THRAP3: variants seen among roughly 807,000 people sequenced by gnomAD.
THRAP3 encodes the protein thyroid hormone receptor-associated protein 3.
A neutral mutation model predicts 101.0 loss-of-function variants in THRAP3; 16 were observed. The ratio of observed to expected loss-of-function variants is 0.16; its 90% confidence interval spans 0.11 to 0.24. The LOEUF (loss-of-function observed/expected upper bound fraction) is 0.24, where lower values mean the gene tolerates loss of function less well. Among genes scored for constraint, THRAP3 ranks in the 10% least tolerant of loss-of-function variants. The probability of loss-of-function intolerance (pLI) is 1.00; values close to 1 mark genes in which losing one functional copy is unlikely to be tolerated. For synonymous variants in THRAP3, 407 were observed against 422.6 expected (o/e 0.96, Z 0.45); for missense variants, 989 against 1,202.7 (o/e 0.82, Z 2.63).
In THRAP3 at chr1:36,288,628, T is replaced by C; in HGVS notation, c.1041-432T>C. 6 of 985,444 alleles carry C rather than the reference T, an allele frequency of 6.1e-6. No individual in the cohort carries two copies. In the South Asian group the frequency reaches 2.8e-4, roughly 46 times the overall value. The allele number at this position is 985,444 out of a possible 1,614,324, so 61.0% of individuals were successfully genotyped here. ...TTAGACTTGTATTTCCAAATGTGAGTTGTATAAAAGCAAAACAGTCCAAGG... is the reference window on the plus strand; with the variant it reads ...TTAGACTTGTATTTCCAAATGTGAGCTGTATAAAAGCAAAACAGTCCAAGG... On this transcript the variant is annotated intron_variant, in intron 4 of 11. Transcript: ENST00000354618.
chr1:36,230,931 C>G (rs912775083), intron 1 of THRAP3, among the ~76,000 whole-genome samples: 7 of 152,140 alleles, frequency 4.6e-5, no homozygotes, highest in Non-Finnish European at 8.8e-5. Flanking sequence ...TTTGCAGCAA[C>G]CATCTTTTAT....
At chr1:36,285,657 A>G (rs1645786086) in intron 3 of THRAP3, among the ~76,000 whole-genome samples, 1 of 152,214 alleles carries the variant, frequency 6.6e-6, no homozygotes, top group African/African-American at 2.4e-5. Context: ...TGTGGCACCT[A>G]GTTAAGATCA....
At chr1:36,226,236 G>A (rs1407608551) in intron 1 of THRAP3, among the ~76,000 whole-genome samples, 5 of 152,164 alleles carry the variant, frequency 3.3e-5, no homozygotes, top group African/African-American at 1.2e-4. Flanking sequence ...TGATGACTGG[G>A]AGGGTACACA....
In THRAP3 at chr1:36,296,747, T is replaced by G. The variant is rs1371827972; in HGVS notation, c.2280T>G (p.Thr760=). 1 of 1,594,130 alleles carries G rather than the reference T, an allele frequency of 6.3e-7. No homozygotes were observed. The highest frequency in any genetic ancestry group is 2.2e-5 in the East Asian group (1 of 44,646). ...RERSAEKTEK[T]HKGSKKQKKH... ...GGTCAGCTGAAAAAACAGAGAAAAC[T>G]CATAAAGGATCAAAGAAACAGAAGT... Residue 760 remains threonine (T), a synonymous_variant, in exon 9 of 12, where the codon ACT becomes ACG. Coordinates refer to ENST00000354618, the MANE Select transcript of THRAP3 (RefSeq NM_005119.4).
At chr1:36,207,803 A>AT in the THRAP3 span, among the ~76,000 whole-genome samples, 3 of 151,798 alleles carry the variant, frequency 2.0e-5, no homozygotes, top group Admixed American at 6.6e-5. Flanking sequence ...TTTTATTTTT[A>AT]TTTTTTTGAG....
At chr1:36,267,173 C>T (rs114076633) in intron 2 of THRAP3, among the ~76,000 whole-genome samples, 3,266 of 152,176 alleles carry the variant, frequency 0.021, 51 homozygotes, top group Non-Finnish European at 0.033. Context: ...CGTGAGCCAC[C>T]GCGCCCTGCC....
At chr1:36,212,879 A>C in the THRAP3 span, among the ~76,000 whole-genome samples, 12 of 152,274 alleles carry the variant, frequency 7.9e-5, 2 homozygotes, top group African/African-American at 2.9e-4. Context: ...TGACAAACGC[A>C]GTTGGTGTTG....
At chr1:36,234,437 A>C (rs1233358140) in intron 1 of THRAP3, among the ~76,000 whole-genome samples, 1 of 152,148 alleles carries the variant, frequency 6.6e-6, no homozygotes, top group Non-Finnish European at 1.5e-5. Context: ...TAGAAAGTAA[A>C]AGTTTCTCAT....
At chr1:36,214,030 GAA>G in the THRAP3 span, among the ~76,000 whole-genome samples, 3 of 141,044 alleles carry the variant, frequency 2.1e-5, no homozygotes, top group Non-Finnish European at 4.6e-5. Context: ...AAGAAAGAAA[GAA>G]AGAAAGAAAG....
Position 36,304,287 on chromosome 1 carries a change from G to T in THRAP3, c.*270G>T. 3.0e-6 allele frequency: 1 copy of T among 332,666 alleles called. No homozygotes were observed. Among genetic ancestry groups the T allele is most frequent in the Non-Finnish European group, 5.4e-6 (1 of 183,806 alleles). The allele number at this position is 332,666 out of a possible 1,614,324, so 20.6% of individuals were successfully genotyped here. A position where few individuals can be genotyped will look rare whatever the true frequency, so the allele number is the denominator to read the frequency against. ...CTGTTTTTCTCATTTGTTGGTGTGT[G>T]GGGTGGGGGCAGGGGTAGGGCGGGA... On this transcript the variant is annotated 3_prime_UTR_variant, in exon 12 of 12. Coordinates refer to ENST00000354618, the MANE Select transcript of THRAP3 (RefSeq NM_005119.4).
At chr1:36,207,857 A>T in the THRAP3 span, among the ~76,000 whole-genome samples, 1 of 152,098 alleles carries the variant, frequency 6.6e-6, no homozygotes, top group East Asian at 1.9e-4. Flanking sequence ...CCGTGGCACG[A>T]TCTTGGCTCA....
At chr1:36,251,047 A>G (rs1172019626) in intron 1 of THRAP3, among the ~76,000 whole-genome samples, 1 of 152,040 alleles carries the variant, frequency 6.6e-6, no homozygotes, top group Non-Finnish European at 1.5e-5. Context: ...ACCTGGCCTG[A>G]ATGTTCTTAA....
chr1:36,257,364 A>C (rs1212636560), intron 1 of THRAP3, among the ~76,000 whole-genome samples: 1 of 152,224 alleles, frequency 6.6e-6, no homozygotes, highest in Non-Finnish European at 1.5e-5. Flanking sequence ...TCCAGTGTTT[A>C]GAATAGTGCC....
At chr1:36,254,738 G>T (rs1645350994) in intron 1 of THRAP3, among the ~76,000 whole-genome samples, 1 of 152,176 alleles carries the variant, frequency 6.6e-6, no homozygotes, top group Admixed American at 6.5e-5. Context: ...GGGAAAAAAA[G>T]AAGTTGGAAT....
intron 1 of THRAP3, among the ~76,000 whole-genome samples, chr1:36,234,257 TAAAAC>T (rs1299567952): frequency 9.2e-5 from 14 of 152,284 alleles, no homozygotes; most frequent in African/African-American, 2.9e-4. Context: ...TTTAAAAAGA[TAAAAC>T]TGATAAGTCC....
At chr1:36,220,881 G>C (rs1025521985), upstream of THRAP3, among the ~76,000 whole-genome samples, 3 of 149,698 alleles carry the variant, frequency 2.0e-5, no homozygotes, top group Non-Finnish European at 4.4e-5. Flanking sequence ...CTTGAACCCG[G>C]GGGCGCAGAG....
the THRAP3 span, among the ~76,000 whole-genome samples, chr1:36,218,414 CAA>C: frequency 2.2e-4 from 9 of 40,114 alleles, no homozygotes; most frequent in African/African-American, 3.5e-4. Context: ...GACTCTGTCT[CAA>C]AAAAAAAAAA....
intron 2 of THRAP3, among the ~76,000 whole-genome samples, chr1:36,269,902 CT>C (rs1342524695): frequency 6.6e-6 from 1 of 151,868 alleles, no homozygotes; most frequent in South Asian, 2.1e-4. Context: ...TAAATAAAGT[CT>C]TTTTTAAGGA....
chr1:36,265,547 A>C (rs776449890), intron 2 of THRAP3, among the ~76,000 whole-genome samples: 1 of 151,892 alleles, frequency 6.6e-6, no homozygotes, highest in Non-Finnish European at 1.5e-5. Context: ...TAAGATGAGC[A>C]GAAGAATGCC....
Sources: allele counts gnomAD v4.1 joint callset (sites outside exome capture counted in the v4.1 genomes callset), GRCh38; gene constraint gnomAD v4.1.1; transcripts MANE v1.5; gene names NCBI Gene and HGNC (gene_info 2026-07-23, HGNC 2026-07-21).